The following ABCC1 variants were observed in gnomAD, a reference collection of about 807,000 sequenced individuals.
The protein encoded by ABCC1 is ATP binding cassette subfamily C member 1 (ABCC1 blood group).
In ABCC1, 83 loss-of-function variants were observed where a neutral mutation model predicts 172.9. That is an observed-to-expected ratio of 0.48 (90% confidence interval 0.40 to 0.58). The LOEUF is 0.58. Ranked by LOEUF, ABCC1 falls within the 20% of genes least tolerant of loss-of-function variation. The pLI is 0.00. For synonymous variants in ABCC1, 937 were observed against 825.2 expected, an observed-to-expected ratio of 1.14 and a Z score of -2.32; for missense variants, 1,817 against 2,002.7, an observed-to-expected ratio of 0.91 and a Z score of 1.77.
At chr16:16,088,821 C>T (rs1319653594) in intron 18 of ABCC1, among the ~76,000 whole-genome samples, 2 of 152,052 alleles carry the variant, frequency 1.3e-5, no homozygotes, top group Non-Finnish European at 2.9e-5. Flanking sequence ...ATCCTCCTGC[C>T]TTCTGAGTAG....
At chr16:16,135,644 C>T (rs1270736733) in intron 28 of ABCC1, among the ~76,000 whole-genome samples, 6 of 151,940 alleles carry the variant, frequency 3.9e-5, no homozygotes, top group African/African-American at 1.2e-4. Context: ...TTAGTAGAAA[C>T]GGGGTTTCAC....
chr16:16,109,657 G>A (rs1037878048), intron 21 of ABCC1, among the ~76,000 whole-genome samples: 2 of 152,170 alleles, frequency 1.3e-5, no homozygotes, highest in African/African-American at 4.8e-5. Flanking sequence ...TTAGCCCCAT[G>A]CTGGGCTCCA....
In ABCC1 at chr16:16,118,646, A is replaced by C. The variant is rs530975182; in HGVS notation, c.3391-3329A>C. ...AGACGCAGCTGTTGGAGCACCAAGG[A>C]TTTTTATTTTTCAACAACAAAGGAA... is the stretch of plus-strand genomic sequence containing the variant. On this transcript the variant is annotated intron_variant, in intron 23 of 30. Coordinates refer to ENST00000399410, the MANE Select transcript of ABCC1 (RefSeq NM_004996.4). Among the ~76,000 whole-genome samples, 40 of 151,950 alleles carry C rather than the reference A, an allele frequency of 2.6e-4. No homozygotes were observed. In the East Asian group the frequency reaches 5.8e-3, roughly 22 times the overall value.
At chr16:15,962,206 A>C (rs1250996465) in intron 1 of ABCC1, among the ~76,000 whole-genome samples, 1 of 152,210 alleles carries the variant, frequency 6.6e-6, no homozygotes, top group Non-Finnish European at 1.5e-5. Flanking sequence ...TCAGGAGATC[A>C]AAGCAGAAGT....
chr16:16,121,880 T>G, intron 23 of ABCC1, 95 bp from the exon 24 acceptor site: 1 of 1,363,088 alleles, frequency 7.3e-7, no homozygotes, highest in Non-Finnish European at 1.0e-6. Context: ...CCTGGAGGTA[T>G]CGGTTACGTC....
chr16:16,076,362 C>T lies in ABCC1; in HGVS notation c.1949C>T (p.Thr650Ile). 1 of 1,612,232 alleles carries T rather than the reference C, an allele frequency of 6.2e-7. No individual in the cohort carries two copies. Among genetic ancestry groups the T allele is most frequent in the Non-Finnish European group, 8.5e-7 (1 of 1,179,226 alleles). Reference protein sequence around the residue: ...GTNSITVRNATFTWARSDPPT... With the variant: ...GTNSITVRNAIFTWARSDPPT... ...AACAGCATCACCGTGAGGAATGCCA[C>T]ATTCACCTGGGCCAGGAGCGACCCT... is the stretch of plus-strand genomic sequence containing the variant. The change falls in exon 15 of 31, where the codon ACA becomes ATA. Residue 650 changes from threonine (T) to isoleucine (I), a missense_variant. Coordinates refer to ENST00000399410, the MANE Select transcript of ABCC1 (RefSeq NM_004996.4).
chr16:16,134,350 G>T lies in ABCC1; in HGVS notation c.3967G>T (p.Val1323Phe). 2 of 1,614,066 alleles carry T rather than the reference G, an allele frequency of 1.2e-6. No individual in the cohort carries two copies. The highest frequency in any genetic ancestry group is 1.7e-6 in the Non-Finnish European group (2 of 1,180,038). The stretch of plus-strand genomic sequence containing the variant: ...ACACCTGGGCCCTTCTGTCCTGCAG[G>T]TCGGCATCGTGGGGCGGACGGGAGC... ...INVTINGGEKVGIVGRTGAGK... is the reference protein window; with the variant it reads ...INVTINGGEKFGIVGRTGAGK... Residue 1323 changes from valine (V) to phenylalanine (F), a missense_variant and splice_region_variant, in exon 28 of 31, where the codon GTC becomes TTC. Val to Phe is a conservative substitution (Grantham distance 50). This residue lies in a region of ABCC1 where 1,412 missense variants were observed against 1,600.3 expected (regional missense o/e 0.88). Transcript: ENST00000399410.
chr16:15,970,074 G>A (rs1306922494), intron 1 of ABCC1, among the ~76,000 whole-genome samples: 1 of 152,156 alleles, frequency 6.6e-6, no homozygotes, highest in Non-Finnish European at 1.5e-5. Context: ...CTCCTTAAGT[G>A]GGGAACCCGT....
intron 1 of ABCC1, among the ~76,000 whole-genome samples, chr16:15,970,373 C>T (rs1029472716): frequency 6.6e-6 from 1 of 152,186 alleles, no homozygotes; most frequent in Non-Finnish European, 1.5e-5. Context: ...TGTACCTAGT[C>T]ATGTGGTGCC....
At chr16:16,113,408 C>T (rs947584660) in intron 22 of ABCC1, among the ~76,000 whole-genome samples, 2 of 152,202 alleles carry the variant, frequency 1.3e-5, no homozygotes, top group Non-Finnish European at 2.9e-5. Flanking sequence ...GTAACCCCAA[C>T]ACTTTGAGAG....
chr16:16,107,010 G>A, intron 21 of ABCC1, 137 bp downstream of exon 21: 1 of 1,296,160 alleles, frequency 7.7e-7, no homozygotes, highest in Non-Finnish European at 1.1e-6. Flanking sequence ...ACTATTTGCA[G>A]CACCAGAAAC....
At chr16:16,129,888 A>G (rs1171500589) in intron 26 of ABCC1, among the ~76,000 whole-genome samples, 2 of 152,140 alleles carry the variant, frequency 1.3e-5, no homozygotes, top group African/African-American at 4.8e-5. Context: ...CTTGCCTAAA[A>G]GTTGCCCGGC....
chr16:15,962,472 C>T (rs1239160493), intron 1 of ABCC1, among the ~76,000 whole-genome samples: 1 of 152,086 alleles, frequency 6.6e-6, no homozygotes, highest in Admixed American at 6.5e-5. Context: ...GAACATGGTA[C>T]TGATATTAGT....
At chr16:16,110,676 A>G (rs934093304) in intron 21 of ABCC1, among the ~76,000 whole-genome samples, 3 of 152,194 alleles carry the variant, frequency 2.0e-5, no homozygotes, top group Non-Finnish European at 4.4e-5. Context: ...GGCATGAGCC[A>G]CTGCACCCAG....
intron 3 of ABCC1, among the ~76,000 whole-genome samples, chr16:16,013,801 T>G (rs983669029): frequency 6.6e-6 from 1 of 151,932 alleles, no homozygotes; most frequent in African/African-American, 2.4e-5. Flanking sequence ...TTAAAAAGCT[T>G]AAGGGGCTGA....
chr16:16,048,004 G>T (rs2049284937), intron 9 of ABCC1, 138 bp from the exon 10 acceptor site: 2 of 1,120,240 alleles, frequency 1.8e-6, no homozygotes, highest in East Asian at 4.8e-5. Flanking sequence ...TGGGCAGACA[G>T]ATAGGTCGGG....
chr16:16,019,787 G>A (rs1201699567), intron 5 of ABCC1, among the ~76,000 whole-genome samples: 2 of 152,114 alleles, frequency 1.3e-5, no homozygotes, highest in African/African-American at 4.8e-5. Context: ...GAAGCTCTCA[G>A]CTCTGGCGGC....
chr16:15,976,332 C>T (rs2046491480), intron 1 of ABCC1, among the ~76,000 whole-genome samples: 1 of 152,140 alleles, frequency 6.6e-6, no homozygotes, highest in Non-Finnish European at 1.5e-5. Context: ...TTCCTAAGTG[C>T]CAGGGACTGT....
chr16:16,114,272 C>T (rs1596525135), intron 22 of ABCC1, among the ~76,000 whole-genome samples: 1 of 152,132 alleles, frequency 6.6e-6, no homozygotes, highest in East Asian at 1.9e-4. Context: ...ATGTAAAACC[C>T]AGCACAGTGC....
Sources: allele counts gnomAD v4.1 joint callset (sites outside exome capture counted in the v4.1 genomes callset), GRCh38; gene constraint gnomAD v4.1.1; regional missense constraint gnomAD v4.1.1; transcripts MANE v1.5; gene names NCBI Gene and HGNC (gene_info 2026-07-23, HGNC 2026-07-21).